Variants in FGF14 observed in about 807,000 individuals in gnomAD.
FGF14 encodes the protein fibroblast growth factor 14.
Under a neutral mutation model 25.5 loss-of-function variants are expected in FGF14, and 5 were observed. The ratio of observed to expected loss-of-function variants is 0.20; its 90% CI spans 0.10 to 0.41. The LOEUF is 0.41. FGF14 is among the 10% of genes least tolerant of loss of function. The pLI is 1.00. For synonymous variants in FGF14, 138 were observed against 118.3 expected, an observed-to-expected ratio of 1.17 and a Z score of -1.08; for missense variants, 222 against 320.1, an observed-to-expected ratio of 0.69 and a Z score of 2.34.
At chr13:102,327,163 C>T (rs954999426) in intron 1 of FGF14, among the ~76,000 whole-genome samples, 6 of 147,680 alleles carry the variant, frequency 4.1e-5, no homozygotes, top group Non-Finnish European at 9.1e-5. Context: ...GATTTCTGGT[C>T]CTCCAAATTG....
chr13:102,256,855 T>C (rs2141096342), intron 1 of FGF14, among the ~76,000 whole-genome samples: 1 of 152,350 alleles, frequency 6.6e-6, no homozygotes, highest in South Asian at 2.1e-4. Context: ...CAATATCAGG[T>C]TTATAAATTA....
At chr13:101,949,145 TA>T (rs1356370857) in intron 1 of FGF14, among the ~76,000 whole-genome samples, 1 of 152,240 alleles carries the variant, frequency 6.6e-6, no homozygotes, top group Non-Finnish European at 1.5e-5. Flanking sequence ...TTAATATTTC[TA>T]AATATGTGCC....
At chr13:101,875,899 G>A (rs745329230) in intron 1 of FGF14, among the ~76,000 whole-genome samples, 280 of 152,166 alleles carry the variant, frequency 1.8e-3, no homozygotes, top group Non-Finnish European at 3.1e-3. Flanking sequence ...ATATTCACAG[G>A]AAAACGGAAA....
intron 1 of FGF14, among the ~76,000 whole-genome samples, chr13:102,009,377 A>G (rs1421770423): frequency 6.6e-6 from 1 of 152,160 alleles, no homozygotes; most frequent in Non-Finnish European, 1.5e-5. Flanking sequence ...TTTCCAATCA[A>G]TCTCCTATTG....
At chr13:102,130,871 T>C (rs976247178) in intron 1 of FGF14, among the ~76,000 whole-genome samples, 2 of 152,096 alleles carry the variant, frequency 1.3e-5, no homozygotes, top group Non-Finnish European at 2.9e-5. Flanking sequence ...AAGGCTATAA[T>C]AACAGATCAA....
chr13:101,726,690 T>C lies in FGF14; in HGVS notation c.529A>G (p.Lys177Glu). The change falls in exon 4 of 5, where the codon AAG becomes GAG. Residue 177 changes from lysine to glutamate, a missense_variant. Lys to Glu is a moderately conservative substitution (Grantham distance 56). This residue lies in a region of FGF14 where 66 missense variants were observed against 90.3 expected (regional missense o/e 0.73). Transcript: ENST00000376143. The part of the protein sequence containing the change: ...SGRAWFLGLN[K>E]EGQAMKGNRV... ...TTCCCTTTCATAGCTTGCCCTTCCT[T>C]ATTTAATCCCAAAAACCAGGCTCTA... is the stretch of plus-strand genomic sequence containing the variant. The C allele has an allele frequency of 1.2e-6, 2 of 1,613,590 alleles. No individual in the cohort carries two copies. Among genetic ancestry groups the C allele is most frequent in the African/African-American group, 1.3e-5 (1 of 75,026 alleles).
At chr13:101,731,994 A>G (rs1048505363) in intron 3 of FGF14, among the ~76,000 whole-genome samples, 3 of 152,186 alleles carry the variant, frequency 2.0e-5, no homozygotes, top group Admixed American at 6.5e-5. Context: ...AAATTTGAGG[A>G]CTTTCCAACC....
chr13:101,845,168 A>G (rs1193893159), intron 3 of FGF14, among the ~76,000 whole-genome samples: 2 of 152,054 alleles, frequency 1.3e-5, no homozygotes, highest in East Asian at 3.9e-4. Context: ...AATTTCCTGA[A>G]AAATTAAATT....
chr13:102,125,517 T>C (rs1055735560), intron 1 of FGF14, among the ~76,000 whole-genome samples: 1 of 152,056 alleles, frequency 6.6e-6, no homozygotes, highest in African/African-American at 2.4e-5. Flanking sequence ...AGAAAGAAAA[T>C]GCTGGTTCAT....
intron 1 of FGF14, among the ~76,000 whole-genome samples, chr13:101,969,621 T>C (rs1390790183): frequency 6.6e-6 from 1 of 152,224 alleles, no homozygotes; most frequent in Non-Finnish European, 1.5e-5. Context: ...TACATCCACA[T>C]GACTGCTTGT....
At position 101,882,664 on chromosome 13, in the gene FGF14, G is replaced by C. The variant is rs571985139; in HGVS notation, c.194-7368C>G. 4.6e-5 allele frequency among the ~76,000 whole-genome samples: 7 copies of C among 152,132 alleles called. No individual in the cohort carries two copies. In the South Asian group the frequency reaches 1.0e-3, roughly 23 times the overall value. On this transcript the variant is annotated intron_variant, in intron 1 of 4. Transcript: ENST00000376143. ...AAAATAACTGCACATGGCAAGGACT[G>C]ATCTATTCATCCTCCAGAGTTGAGG...
intron 3 of FGF14, among the ~76,000 whole-genome samples, chr13:101,865,995 T>C (rs1365032325): frequency 6.6e-6 from 1 of 152,092 alleles, no homozygotes; most frequent in East Asian, 1.9e-4. Flanking sequence ...AATTTACTCA[T>C]CTTAGTTCAA....
At chr13:102,023,042 G>GCACACACACA (rs2040745208) in intron 1 of FGF14, among the ~76,000 whole-genome samples, 1 of 59,546 alleles carries the variant, frequency 1.7e-5, no homozygotes, top group Non-Finnish European at 3.2e-5. Flanking sequence ...AAATATTTTC[G>GCACACACACA]GACACACACA....
chr13:101,871,359 A>C (rs565263388), intron 2 of FGF14, among the ~76,000 whole-genome samples: 9 of 152,120 alleles, frequency 5.9e-5, no homozygotes, highest in Non-Finnish European at 1.3e-4. Flanking sequence ...TACCTATTAA[A>C]TCACAATCTT....
chr13:101,923,282 G>A (rs1256408529), intron 1 of FGF14, among the ~76,000 whole-genome samples: 1 of 152,020 alleles, frequency 6.6e-6, no homozygotes, highest in Non-Finnish European at 1.5e-5. Flanking sequence ...AAATATGAAA[G>A]TCCAACATTA....
intron 1 of FGF14, among the ~76,000 whole-genome samples, chr13:102,217,548 C>T (rs2050428403): frequency 6.6e-6 from 1 of 151,936 alleles, no homozygotes; most frequent in African/African-American, 2.4e-5. Context: ...TTTCAATGCT[C>T]AAGACATTAC....
At chr13:101,961,091 T>C (rs1051411861) in intron 1 of FGF14, among the ~76,000 whole-genome samples, 2 of 152,208 alleles carry the variant, frequency 1.3e-5, no homozygotes, top group East Asian at 3.8e-4. Flanking sequence ...TATTAGACTT[T>C]TGTCAGGTGG....
At chr13:102,185,273 A>G (rs770271409) in intron 1 of FGF14, among the ~76,000 whole-genome samples, 26 of 152,092 alleles carry the variant, frequency 1.7e-4, no homozygotes, top group Non-Finnish European at 3.7e-4. Context: ...GTTCTCATCC[A>G]TTTTCTTTCA....
intron 1 of FGF14, among the ~76,000 whole-genome samples, chr13:102,137,350 C>T (rs1029265908): frequency 5.3e-5 from 8 of 152,176 alleles, no homozygotes; most frequent in Non-Finnish European, 7.3e-5. Context: ...AGATATACTC[C>T]GGACAAGCAA....
Sources: allele counts gnomAD v4.1 joint callset (sites outside exome capture counted in the v4.1 genomes callset), GRCh38; gene constraint gnomAD v4.1.1; regional missense constraint gnomAD v4.1.1; transcripts MANE v1.5; gene names NCBI Gene and HGNC (gene_info 2026-07-23, HGNC 2026-07-21).